SLC4A1AP: variants seen among roughly 807,000 people sequenced by gnomAD.
SLC4A1AP encodes the protein solute carrier family 4 member 1 adaptor protein.
Under a neutral mutation model 89.7 loss-of-function variants are expected in SLC4A1AP, and 64 were observed. The observed-to-expected ratio is 0.71, with a 90% CI of 0.58 to 0.88. The LOEUF (loss-of-function observed/expected upper bound fraction) is 0.88, where lower values mean the gene tolerates loss of function less well. Ranked by LOEUF, SLC4A1AP falls within the 40% of genes least tolerant of loss-of-function variation. The pLI is 0.00. For synonymous variants in SLC4A1AP, 366 were observed against 353.3 expected (o/e 1.04, Z -0.40); for missense variants, 931 against 965.0 (o/e 0.96, Z 0.47).
chr2:27,675,802 A>G, intron 6 of SLC4A1AP, 110 bp downstream of exon 6: 3 of 670,254 alleles, frequency 4.5e-6, no homozygotes, highest in Non-Finnish European at 4.4e-6. Context: ...TAGCATTGAA[A>G]TCTGATACTG....
At chr2:27,679,324 C>T (rs1675575770) in intron 8 of SLC4A1AP, among the ~76,000 whole-genome samples, 1 of 152,152 alleles carries the variant, frequency 6.6e-6, no homozygotes, top group Non-Finnish European at 1.5e-5. Context: ...AAATTGCGGC[C>T]AGGTGCTGCG....
exon 5 of SLC4A1AP, chr2:27,669,321 A>G (rs769503540): frequency 3.1e-6 from 5 of 1,613,494 alleles, no homozygotes; most frequent in Admixed American, 3.3e-5. Flanking sequence ...AAAAGAAGCA[A>G]TGATCCAGTG....
chr2:27,682,428 T>G, intron 9 of SLC4A1AP, 69 bp downstream of exon 9: 1 of 969,842 alleles, frequency 1.0e-6, no homozygotes. Context: ...TTCTCTTTTC[T>G]TTTTTGAAAC....
intron 5 of SLC4A1AP, 127 bp from the exon 6 acceptor site, chr2:27,675,405 T>C (rs958796011): frequency 3.6e-6 from 2 of 558,176 alleles, no homozygotes; most frequent in African/African-American, 1.9e-5. Flanking sequence ...TATACGTAGT[T>C]TGGCAGCTTG....
intron 3 of SLC4A1AP, 44 bp downstream of exon 3, chr2:27,667,434 G>A (rs1675348147): frequency 6.4e-7 from 1 of 1,557,588 alleles, no homozygotes; most frequent in Non-Finnish European, 8.7e-7. Context: ...CATATCCAGA[G>A]CAGTGTGGTT....
At chr2:27,685,424 G>T in intron 10 of SLC4A1AP, 147 bp downstream of exon 10, 5 of 1,102,100 alleles carry the variant, frequency 4.5e-6, no homozygotes, top group Admixed American at 2.7e-5. Context: ...ATACTTTCTT[G>T]GTCTTCTTCC....
At chr2:27,666,769 C>G (rs1051605278) in intron 2 of SLC4A1AP, among the ~76,000 whole-genome samples, 3 of 151,788 alleles carry the variant, frequency 2.0e-5, no homozygotes, top group Non-Finnish European at 2.9e-5. Flanking sequence ...ATTTAGAAAA[C>G]CTGAATATGC....
At chr2:27,673,559 G>T (rs1162880701) in intron 5 of SLC4A1AP, among the ~76,000 whole-genome samples, 1 of 151,484 alleles carries the variant, frequency 6.6e-6, no homozygotes, top group African/African-American at 2.4e-5. Flanking sequence ...AACTTCCGGG[G>T]CTCAAGCGAT....
chr2:27,665,400 T>C, intron 2 of SLC4A1AP, 105 bp downstream of exon 2: 1 of 939,382 alleles, frequency 1.1e-6, no homozygotes, highest in Non-Finnish European at 1.5e-6. Flanking sequence ...CTCCTTGAGA[T>C]AGATAGGGCA....
intron 7 of SLC4A1AP, 80 bp from the exon 8 acceptor site, chr2:27,677,658 C>T (rs183649703): frequency 4.9e-6 from 6 of 1,225,420 alleles, no homozygotes; most frequent in Non-Finnish European, 6.9e-6. Flanking sequence ...ATGTTAGTGA[C>T]TTTTATATGG....
Position 27,685,042 on chromosome 2 carries a change from AC to A in SLC4A1AP, c.1887del (p.Lys630SerfsTer9), listed in dbSNP as rs1398113963. On this transcript the variant is annotated frameshift_variant, in exon 10 of 14. Transcript: ENST00000613058. LOFTEE classifies it high-confidence loss of function. Reference sequence around the variant, plus strand: ...TGGTTTTGTTTCCCTCTTAGAAGTTACCCCCCAAGCGTCCAGAACTCCCTCC... The same window carrying A: ...TGGTTTTGTTTCCCTCTTAGAAGTTACCCCCAAGCGTCCAGAACTCCCTCC... The A allele has an allele frequency of 4.4e-6, 7 of 1,594,468 alleles. No homozygotes were observed. The highest frequency in any genetic ancestry group is 6.0e-6 in the Non-Finnish European group (7 of 1,173,900).
rs1406018773 is a variant in SLC4A1AP, at chr2:27,671,103, A to G, written c.1345+1716A>G. 2.0e-5 allele frequency among the ~76,000 whole-genome samples: 3 copies of G among 151,782 alleles called. No individual in the cohort carries two copies. In the East Asian group the frequency reaches 5.9e-4, roughly 30 times the overall value. ...ACACCCAGCTAATTTTTGTATTTTT[A>G]GTAGAGACAGGGTTTTACCATATTG... On this transcript the variant is annotated intron_variant, in intron 5 of 13. Transcript: ENST00000613058.
chr2:27,668,630 T>G, intron 3 of SLC4A1AP: 1 of 685,920 alleles, frequency 1.5e-6, no homozygotes, highest in Non-Finnish European at 2.7e-6. Context: ...CTGTATTTTT[T>G]GTACAGATGG....
At chr2:27,682,312 G>T in exon 9 of SLC4A1AP, 1 of 1,613,900 alleles carries the variant, frequency 6.2e-7, no homozygotes, top group Non-Finnish European at 8.5e-7. Flanking sequence ...TCTATTTGGT[G>T]CCATGAAAGG....
chr2:27,677,432 A>C (rs1675542547), intron 7 of SLC4A1AP, 68 bp downstream of exon 7: 1 of 1,047,810 alleles, frequency 9.5e-7, no homozygotes, highest in African/African-American at 1.6e-5. Flanking sequence ...CTGGGGCTAC[A>C]TTAGTTAATA....
chr2:27,668,605 A>G, intron 3 of SLC4A1AP: 1 of 660,488 alleles, frequency 1.5e-6, no homozygotes, highest in Non-Finnish European at 2.8e-6. Flanking sequence ...ACGTACCATC[A>G]TGCCCGGCTA....
chr2:27,666,766 A>C (rs1163865778), intron 2 of SLC4A1AP, among the ~76,000 whole-genome samples: 6 of 151,974 alleles, frequency 3.9e-5, no homozygotes, highest in Non-Finnish European at 8.8e-5. Context: ...ACAATTTAGA[A>C]AACCTGAATA....
rs769760077 is a variant in SLC4A1AP, at chr2:27,677,970, A to G, written c.1763+46A>G. The G allele has an allele frequency of 2.4e-6, 3 of 1,257,156 alleles. No homozygotes were observed. In the African/African-American group the frequency reaches 4.5e-5, roughly 19 times the overall value. The allele number at this position is 1,257,156 out of a possible 1,614,324, so 77.9% of individuals were successfully genotyped here. A position where few individuals can be genotyped will look rare whatever the true frequency, so the allele number is the denominator to read the frequency against. ...GAATTCTAAATAAGTATGGTAGCATAGATAACATTTTCAATTATCGCTTTA... is the reference window on the plus strand; with the variant it reads ...GAATTCTAAATAAGTATGGTAGCATGGATAACATTTTCAATTATCGCTTTA... On this transcript the variant is annotated intron_variant, in intron 8 of 13. Coordinates refer to ENST00000613058, the Ensembl canonical transcript of SLC4A1AP.
exon 1 of SLC4A1AP, chr2:27,663,946 T>G: frequency 6.2e-7 from 1 of 1,614,188 alleles, no homozygotes; most frequent in Non-Finnish European, 8.5e-7. Flanking sequence ...TCAGAGACCC[T>G]GGCGTCGCAA....
Sources: gnomAD v4.1 joint callset for allele counts (sites outside exome capture counted in the v4.1 genomes callset) on GRCh38, gnomAD v4.1.1 for gene constraint, MANE v1.5 for transcripts, NCBI Gene and HGNC (gene_info 2026-07-23, HGNC 2026-07-21) for gene names.